CD2: variants seen among roughly 807,000 people sequenced by gnomAD.
The protein encoded by CD2 is CD2 molecule.
A neutral mutation model predicts 23.2 loss-of-function variants in CD2; 18 were observed. That is an observed-to-expected ratio of 0.77 (90% CI 0.54 to 1.15). The LOEUF (loss-of-function observed/expected upper bound fraction) is 1.15. Ranked by LOEUF, CD2 falls within the 50% of genes most tolerant of loss-of-function variation. The pLI is 0.00. For missense variants in CD2, 424 were observed against 423.1 expected (o/e 1.00, Z -0.02); for synonymous variants, 162 against 151.9 (o/e 1.07, Z -0.49).
intron 3 of CD2, among the ~76,000 whole-genome samples, chr1:116,763,396 G>A (rs758730177): frequency 5.3e-5 from 8 of 152,182 alleles, no homozygotes; most frequent in Non-Finnish European, 1.0e-4. Context: ...GCTGGGCCAA[G>A]TTCCAGTTTG....
chr1:116,759,877 C>A lies in CD2; in HGVS notation c.383-525C>A, dbSNP rs187088454. 1.2e-3 allele frequency among the ~76,000 whole-genome samples: 182 copies of A among 152,330 alleles called. 2 individuals carry two copies. Among genetic ancestry groups the A allele is most frequent in the African/African-American group, 4.1e-3 (170 of 41,572 alleles). ...CACTGCTCCAGGAACTTGGTGGGGG[C>A]AGAGGTATCCAAGGTCCCCAGTCAC... On this transcript the variant is annotated intron_variant, in intron 2 of 4. Transcript: ENST00000369478.
intron 2 of CD2, among the ~76,000 whole-genome samples, chr1:116,757,020 G>A (rs1464111742): frequency 6.8e-6 from 1 of 146,102 alleles, no homozygotes; most frequent in Non-Finnish European, 1.5e-5. Context: ...TAATTGAGAT[G>A]GCATCTTGCT....
chr1:116,756,097 C>A (rs1465746989), intron 2 of CD2, among the ~76,000 whole-genome samples: 1 of 152,176 alleles, frequency 6.6e-6, no homozygotes, highest in Non-Finnish European at 1.5e-5. Context: ...ATTGCCCACT[C>A]CAGCAATCCC....
chr1:116,758,056 C>T (rs955137539), intron 2 of CD2, among the ~76,000 whole-genome samples: 3 of 151,514 alleles, frequency 2.0e-5, no homozygotes, highest in Admixed American at 6.6e-5. Context: ...GCATGAGCCA[C>T]CTCTCCCAGC....
rs1351163288 is a variant in CD2 at position 116,768,542 on chromosome 1, C to A, written c.815C>A (p.Thr272Asn). The A allele has an allele frequency of 7.4e-6, 12 of 1,614,040 alleles. No individual in the cohort carries two copies. Among genetic ancestry groups the A allele is most frequent in the Non-Finnish European group, 1.0e-5 (12 of 1,180,050 alleles). The change falls in exon 5 of 5, where the codon ACC (threonine) becomes AAC (asparagine). Residue 272 changes from threonine to asparagine, a missense_variant. By Grantham distance (65) the Thr-to-Asn change is moderately conservative (BLOSUM62 0). Coordinates refer to ENST00000369478, the MANE Select transcript of CD2 (RefSeq NM_001767.5). ...GRKPHQIPAS[T>N]PQNPATSQHP... ...AAGCCCCACCAAATTCCAGCTTCAA[C>A]CCCTCAGAATCCAGCAACTTCCCAA...
At chr1:116,762,213 T>C (rs1001006537) in intron 3 of CD2, among the ~76,000 whole-genome samples, 3 of 152,232 alleles carry the variant, frequency 2.0e-5, no homozygotes, top group Non-Finnish European at 2.9e-5. Flanking sequence ...GGAACATACT[T>C]ATGCAAGAAA....
chr1:116,758,688 G>T (rs1033351157), intron 2 of CD2, among the ~76,000 whole-genome samples: 1 of 152,148 alleles, frequency 6.6e-6, no homozygotes, highest in Non-Finnish European at 1.5e-5. Context: ...GCCCTACATG[G>T]GGGACCATGT....
intron 2 of CD2, among the ~76,000 whole-genome samples, chr1:116,755,232 C>T (rs1046884862): frequency 7.9e-5 from 12 of 152,060 alleles, no homozygotes; most frequent in Admixed American, 5.2e-4. Context: ...TGGCATTAAT[C>T]GGGAGGGGGA....
intron 4 of CD2, among the ~76,000 whole-genome samples, chr1:116,767,880 G>A (rs930791668): frequency 1.6e-4 from 24 of 152,164 alleles, no homozygotes; most frequent in Non-Finnish European, 3.2e-4. Context: ...GAAGGGTGAG[G>A]AGAGGAGGAG....
At chr1:116,766,358 C>T (rs1652214335) in intron 4 of CD2, among the ~76,000 whole-genome samples, 1 of 152,248 alleles carries the variant, frequency 6.6e-6, no homozygotes, top group South Asian at 2.1e-4. Flanking sequence ...TGTGGCTACA[C>T]CCCATTCCTC....
intron 2 of CD2, among the ~76,000 whole-genome samples, chr1:116,757,740 C>T (rs1480039633): frequency 6.7e-6 from 1 of 149,084 alleles, no homozygotes; most frequent in Non-Finnish European, 1.5e-5. Flanking sequence ...TAAAATATTA[C>T]ATATATATAT....
intron 4 of CD2, among the ~76,000 whole-genome samples, chr1:116,765,265 G>C (rs575351810): frequency 6.6e-6 from 1 of 152,282 alleles, no homozygotes; most frequent in East Asian, 1.9e-4. Flanking sequence ...GGTCACTGTG[G>C]GGGGCACAGA....
chr1:116,754,458 G>T lies in CD2; in HGVS notation c.-35G>T. 6.3e-7 allele frequency: 1 copy of T among 1,591,582 alleles called. No homozygotes were observed. The highest frequency in any genetic ancestry group is 8.6e-7 in the Non-Finnish European group (1 of 1,162,814). On this transcript the variant is annotated 5_prime_UTR_variant, in exon 1 of 5. Transcript: ENST00000369478. ...CTCACTTCAGTTCCTTTTGCATGAAGAGCTCAGAATCAAAAGAGGAAACCA... is the reference window on the plus strand; with the variant it reads ...CTCACTTCAGTTCCTTTTGCATGAATAGCTCAGAATCAAAAGAGGAAACCA...
intron 3 of CD2, among the ~76,000 whole-genome samples, chr1:116,761,889 A>G (rs1268611167): frequency 1.3e-5 from 2 of 152,302 alleles, no homozygotes; most frequent in Middle Eastern, 3.4e-3. Context: ...GGAGTGTGGT[A>G]GTATGATCAT....
chr1:116,759,564 G>A (rs916700419), intron 2 of CD2, among the ~76,000 whole-genome samples: 19 of 152,306 alleles, frequency 1.2e-4, no homozygotes, highest in African/African-American at 4.6e-4. Flanking sequence ...GTGCGGGAGA[G>A]GCAAGAGGTT....
intron 4 of CD2, among the ~76,000 whole-genome samples, chr1:116,765,613 C>T (rs1459673966): frequency 6.6e-6 from 1 of 152,226 alleles, no homozygotes; most frequent in South Asian, 2.1e-4. Flanking sequence ...TCCCATTCTT[C>T]CCACCACGAC....
chr1:116,764,502 A>G lies in CD2; in HGVS notation c.632A>G (p.Tyr211Cys), dbSNP rs1232980595. The G allele has an allele frequency of 3.1e-6, 5 of 1,614,016 alleles. No homozygotes were observed. The Admixed American group carries it at 8.3e-5, about 27-fold the overall frequency. Residue 211 changes from tyrosine to cysteine, a missense_variant, in exon 4 of 5, where the codon TAT becomes TGT. By Grantham distance (194) the Tyr-to-Cys change is radical. Transcript: ENST00000369478. The part of the protein sequence containing the change: ...VSCPEKGLDI[Y>C]LIIGICGGGS... ...TTTGCAGAGAAAGGTCTGGACATCT[A>G]TCTCATCATTGGCATATGTGGAGGA...
At position 116,760,482 on chromosome 1, in the gene CD2, G is replaced by A. The variant is rs140476814; in HGVS notation, c.463G>A (p.Glu155Lys). ...TGAGGTAATGAATGGAACTGACCCC[G>A]AATTAAACCTGTATCAAGATGGGAA... ...TCEVMNGTDP[E>K]LNLYQDGKHL... The change falls in exon 3 of 5, where the codon GAA (glutamate) becomes AAA (lysine). Residue 155 changes from glutamate to lysine, a missense_variant. Physicochemically the swap from Glu to Lys is moderately conservative, Grantham distance 56 (BLOSUM62 1). Transcript: ENST00000369478. The A allele has an allele frequency of 1.4e-5, 22 of 1,613,996 alleles. No homozygotes were observed. The highest frequency in any genetic ancestry group is 1.6e-4 in the Middle Eastern group (1 of 6,084).
chr1:116,762,702 A>G (rs1652095129), intron 3 of CD2, among the ~76,000 whole-genome samples: 1 of 152,228 alleles, frequency 6.6e-6, no homozygotes, highest in Admixed American at 6.5e-5. Flanking sequence ...GTGATCTCCA[A>G]GAGATACTGT....
Sources: gnomAD v4.1 joint callset for allele counts (sites outside exome capture counted in the v4.1 genomes callset) on GRCh38, gnomAD v4.1.1 for gene constraint, MANE v1.5 for transcripts, NCBI Gene and HGNC (gene_info 2026-07-23, HGNC 2026-07-21) for gene names.